Variants in CHLSN observed in about 807,000 individuals in gnomAD.
The protein encoded by CHLSN is protein cholesin.
the CHLSN span, chr7:988,814 A>G: frequency 1.3e-6 from 2 of 1,558,360 alleles, no homozygotes; most frequent in Admixed American, 3.5e-5. Context: ...TGCGGTGCCC[A>G]GGCCCTAGGA....
chr7:1,053,466 C>T, the CHLSN span, among the ~76,000 whole-genome samples: 19 of 152,242 alleles, frequency 1.2e-4, no homozygotes, highest in African/African-American at 4.6e-4. Flanking sequence ...GGAACACTGG[C>T]TCACATGACT....
chr7:1,026,616 CTCCCCAT>C, the CHLSN span: 4 of 152,356 alleles, frequency 2.6e-5, no homozygotes, highest in Non-Finnish European at 5.9e-5. Context: ...CTCACAGTTG[CTCCCCAT>C]TCTTCAATGC....
the CHLSN span, among the ~76,000 whole-genome samples, chr7:1,041,214 C>T: frequency 6.5e-5 from 7 of 107,480 alleles, 1 homozygote; most frequent in Admixed American, 9.3e-5. Flanking sequence ...CTGCAGGGAA[C>T]GGGACCTGGG....
the CHLSN span, among the ~76,000 whole-genome samples, chr7:1,110,368 G>A: frequency 2.6e-5 from 4 of 152,100 alleles, no homozygotes; most frequent in African/African-American, 9.7e-5. Flanking sequence ...GGCTCCGAGA[G>A]GAAAAGCCAG....
the CHLSN span, among the ~76,000 whole-genome samples, chr7:1,011,905 C>T: frequency 6.6e-6 from 1 of 152,238 alleles, no homozygotes; most frequent in Non-Finnish European, 1.5e-5. Flanking sequence ...CCCACACACA[C>T]AGGCAGGAAG....
the CHLSN span, among the ~76,000 whole-genome samples, chr7:1,048,016 G>C: frequency 7.2e-6 from 1 of 139,396 alleles, no homozygotes; most frequent in Admixed American, 7.3e-5. Flanking sequence ...GAAAGAGATG[G>C]ATGTGCGGAC....
the CHLSN span, chr7:984,519 G>A: frequency 6.4e-7 from 1 of 1,553,074 alleles, no homozygotes; most frequent in Non-Finnish European, 8.7e-7. Flanking sequence ...GCCCCGGGCA[G>A]GAGCTGGCCG....
chr7:1,068,035 C>T, the CHLSN span, among the ~76,000 whole-genome samples: 155 of 152,294 alleles, frequency 1.0e-3, 3 homozygotes, highest in Admixed American at 8.9e-3. Context: ...CTGCAGCACA[C>T]GCTGCGGCCC....
the CHLSN span, among the ~76,000 whole-genome samples, chr7:1,012,630 G>A: frequency 6.6e-6 from 1 of 152,254 alleles, no homozygotes; most frequent in East Asian, 1.9e-4. Context: ...AAGCTCAGGA[G>A]TGCCACCCAC....
At chr7:1,129,694 C>T in the CHLSN span, among the ~76,000 whole-genome samples, 2 of 152,216 alleles carry the variant, frequency 1.3e-5, no homozygotes, top group East Asian at 3.8e-4. Flanking sequence ...TCCTCCGCCT[C>T]GGCCTCCGCA....
At chr7:1,032,711 G>A in the CHLSN span, among the ~76,000 whole-genome samples, 11 of 152,244 alleles carry the variant, frequency 7.2e-5, no homozygotes, top group African/African-American at 2.7e-4. Flanking sequence ...GGTGACAGTG[G>A]TGCCCTTGGG....
At chr7:978,421 G>C in the CHLSN span, among the ~76,000 whole-genome samples, 1 of 152,180 alleles carries the variant, frequency 6.6e-6, no homozygotes, top group African/African-American at 2.4e-5. Flanking sequence ...CAGAGGCTGA[G>C]GTGGGAGGAT....
chr7:1,137,998 ACGCACCGGC>A, the CHLSN span: 87,937 of 146,844 alleles, frequency 0.6, 27,912 homozygotes, highest in African/African-American at 0.83. Context: ...CCGCGCCGGG[ACGCACCGGC>A]CGCACCGGCC....
At chr7:1,106,900 C>T in the CHLSN span, among the ~76,000 whole-genome samples, 2 of 152,210 alleles carry the variant, frequency 1.3e-5, no homozygotes, top group Non-Finnish European at 2.9e-5. Context: ...GGTGCAGAGC[C>T]AGGCCGGACA....
At chr7:1,133,751 C>T in the CHLSN span, among the ~76,000 whole-genome samples, 1 of 114,980 alleles carries the variant, frequency 8.7e-6, no homozygotes, top group Admixed American at 9.3e-5. Context: ...GACTCCATCT[C>T]AAAAAAAAAA....
At chr7:1,127,492 A>C in the CHLSN span, 1 of 1,112,864 alleles carries the variant, frequency 9.0e-7, no homozygotes. Flanking sequence ...AAAAAAAAAA[A>C]AGAGTATTAT....
chr7:1,040,192 A>AAAAAAAAAATAAT, the CHLSN span, among the ~76,000 whole-genome samples: 4 of 120,618 alleles, frequency 3.3e-5, 1 homozygote, highest in Non-Finnish European at 8.2e-5. Flanking sequence ...TTAAAAAAAA[A>AAAAAAAAAATAAT]AAAAAAAAAA....
the CHLSN span, among the ~76,000 whole-genome samples, chr7:1,113,376 A>G: frequency 6.6e-6 from 1 of 152,174 alleles, no homozygotes; most frequent in Non-Finnish European, 1.5e-5. Context: ...CCGCTCCCAG[A>G]AGGCGCCGCC....
At chr7:1,024,416 G>C in the CHLSN span, 5 of 152,364 alleles carry the variant, frequency 3.3e-5, no homozygotes, top group Non-Finnish European at 7.3e-5. Context: ...AGCAAGAAAC[G>C]GACCCATGGG....
Sources: allele counts gnomAD v4.1 joint callset (sites outside exome capture counted in the v4.1 genomes callset), GRCh38; gene constraint gnomAD v4.1.1; transcripts MANE v1.5; gene names NCBI Gene and HGNC (gene_info 2026-07-23, HGNC 2026-07-21).